The following TAS2R1 variants were observed in gnomAD, a reference collection of about 807,000 sequenced individuals.
The protein encoded by TAS2R1 is taste receptor type 2 member 1.
For missense variants in TAS2R1, 370 were observed against 353.4 expected, an observed-to-expected ratio of 1.05 and a Z score of -0.38; for synonymous variants, 141 against 134.2, an observed-to-expected ratio of 1.05 and a Z score of -0.35.
chr5:9,744,268 C>A, the TAS2R1 span, among the ~76,000 whole-genome samples: 2 of 152,178 alleles, frequency 1.3e-5, no homozygotes, highest in Non-Finnish European at 2.9e-5. Context: ...TTGGAATTGC[C>A]ATACTTCTAC....
chr5:9,751,719 A>C, the TAS2R1 span, among the ~76,000 whole-genome samples: 2 of 152,356 alleles, frequency 1.3e-5, no homozygotes, highest in East Asian at 3.9e-4. Context: ...CAAGATCCTG[A>C]AATACCTATT....
chr5:9,683,035 G>A (rs934266223), intron 1 of TAS2R1, among the ~76,000 whole-genome samples: 1 of 152,122 alleles, frequency 6.6e-6, no homozygotes, highest in African/African-American at 2.4e-5. Flanking sequence ...CTTTAATGTA[G>A]TCTAATACAA....
chr5:9,765,253 G>A, the TAS2R1 span, among the ~76,000 whole-genome samples: 1 of 152,166 alleles, frequency 6.6e-6, no homozygotes, highest in Non-Finnish European at 1.5e-5. Context: ...TACTCATTGT[G>A]AGGCTTAGAA....
chr5:9,746,243 G>A, the TAS2R1 span, among the ~76,000 whole-genome samples: 15 of 152,130 alleles, frequency 9.9e-5, no homozygotes, highest in African/African-American at 2.4e-4. Flanking sequence ...TTAGAATGGC[G>A]ATCATTAAAA....
At chr5:9,869,077 A>G in the TAS2R1 span, among the ~76,000 whole-genome samples, 2 of 152,098 alleles carry the variant, frequency 1.3e-5, no homozygotes, top group Non-Finnish European at 2.9e-5. Context: ...GGAAGTTCCA[A>G]ACTTTCCCAC....
At chr5:9,718,774 A>G in the TAS2R1 span, among the ~76,000 whole-genome samples, 1 of 152,228 alleles carries the variant, frequency 6.6e-6, no homozygotes, top group Admixed American at 6.5e-5. Context: ...TCTTCTATGC[A>G]GTGGGATGGC....
chr5:9,895,139 G>C, the TAS2R1 span, among the ~76,000 whole-genome samples: 88 of 152,292 alleles, frequency 5.8e-4, no homozygotes, highest in Admixed American at 1.5e-3. Context: ...CTAAGCACAT[G>C]TCACTGCGTG....
the TAS2R1 span, among the ~76,000 whole-genome samples, chr5:9,866,980 C>T: frequency 6.6e-6 from 1 of 152,156 alleles, no homozygotes; most frequent in African/African-American, 2.4e-5. Context: ...ACCACGTGGT[C>T]AGCCAAAAAC....
upstream of TAS2R1, among the ~76,000 whole-genome samples, chr5:9,631,606 G>A (rs191472423): frequency 1.3e-5 from 2 of 152,236 alleles, no homozygotes; most frequent in Admixed American, 6.5e-5. Context: ...TAAACACTGG[G>A]GGAATTAAAG....
the TAS2R1 span, among the ~76,000 whole-genome samples, chr5:9,815,850 T>C: frequency 6.6e-6 from 1 of 152,222 alleles, no homozygotes; most frequent in Non-Finnish European, 1.5e-5. Flanking sequence ...TATCTCAGGA[T>C]TCTATAACTC....
chr5:9,818,613 GCT>G, the TAS2R1 span, among the ~76,000 whole-genome samples: 1 of 152,176 alleles, frequency 6.6e-6, no homozygotes, highest in African/African-American at 2.4e-5. Context: ...GCAAACCTGG[GCT>G]CTCTCATCCA....
the TAS2R1 span, among the ~76,000 whole-genome samples, chr5:9,774,529 T>A: frequency 1.3e-5 from 2 of 152,250 alleles, no homozygotes; most frequent in Admixed American, 1.3e-4. Flanking sequence ...GCATTTATTG[T>A]AGTCCTGACA....
chr5:9,881,702 C>T, the TAS2R1 span, among the ~76,000 whole-genome samples: 1 of 152,058 alleles, frequency 6.6e-6, no homozygotes, highest in Non-Finnish European at 1.5e-5. Flanking sequence ...TAAATAAGAC[C>T]ACACATCTAC....
At chr5:9,637,462 G>T (rs2126478635) in intron 2 of TAS2R1, among the ~76,000 whole-genome samples, 1 of 152,118 alleles carries the variant, frequency 6.6e-6, no homozygotes, top group South Asian at 2.1e-4. Context: ...TCCTGTATTT[G>T]CATGTCTAGA....
At chr5:9,792,156 T>A in the TAS2R1 span, among the ~76,000 whole-genome samples, 4 of 152,210 alleles carry the variant, frequency 2.6e-5, no homozygotes, top group Non-Finnish European at 5.9e-5. Context: ...TTTCTACTGA[T>A]CATCTTTTTT....
chr5:9,721,655 C>A, the TAS2R1 span, among the ~76,000 whole-genome samples: 2,414 of 152,234 alleles, frequency 0.016, 28 homozygotes, highest in Middle Eastern at 0.041. Flanking sequence ...TTGACAACTG[C>A]AAGTGATATT....
Position 9,629,208 on chromosome 5 carries a change from G to A in TAS2R1, c.825C>T (p.Leu275=). Reference sequence around the variant, plus strand: ...ATTTAGGATTTCCTAAAATTAAGATGAGAGAGTGTCCAGAAGGGTATATAC... The same window carrying A: ...ATTTAGGATTTCCTAAAATTAAGATAAGAGAGTGTCCAGAAGGGTATATAC... ...VIGIYPSGHS[L]ILILGNPKLK... is the part of the protein sequence containing the mutation. Residue 275 remains leucine (L), a synonymous_variant, in exon 1 of 1, where the codon CTC becomes CTT. Coordinates refer to ENST00000382492, the MANE Select transcript of TAS2R1 (RefSeq NM_019599.3). The A allele has an allele frequency of 6.2e-7, 1 of 1,602,022 alleles. No homozygotes were observed. The highest frequency in any genetic ancestry group is 2.2e-5 in the East Asian group (1 of 44,802).
chr5:9,848,450 G>C, the TAS2R1 span, among the ~76,000 whole-genome samples: 1 of 152,138 alleles, frequency 6.6e-6, no homozygotes, highest in South Asian at 2.1e-4. Context: ...TATACATTAT[G>C]CCGATTTTAC....
the TAS2R1 span, among the ~76,000 whole-genome samples, chr5:9,828,646 C>T: frequency 1.7e-3 from 260 of 152,240 alleles, no homozygotes; most frequent in African/African-American, 6.1e-3. Flanking sequence ...AATTCATATC[C>T]CTGTTTTTCT....
Sources: allele counts gnomAD v4.1 joint callset (sites outside exome capture counted in the v4.1 genomes callset), GRCh38; gene constraint gnomAD v4.1.1; transcripts MANE v1.5; gene names NCBI Gene and HGNC (gene_info 2026-07-23, HGNC 2026-07-21).